Variants in PLXNC1 observed in about 807,000 individuals in gnomAD.
PLXNC1 encodes plexin C1.
A neutral mutation model predicts 178.2 loss-of-function variants in PLXNC1; 75 were observed. The ratio of observed to expected loss-of-function variants is 0.42; its 90% confidence interval spans 0.35 to 0.51. The LOEUF is 0.51. Ranked by LOEUF, PLXNC1 falls within the 20% of genes least tolerant of loss-of-function variation. The pLI is 0.02. For synonymous variants in PLXNC1, 790 were observed against 779.9 expected, an observed-to-expected ratio of 1.01 and a Z score of -0.22; for missense variants, 1,503 against 1,984.4, an observed-to-expected ratio of 0.76 and a Z score of 4.61.
intron 2 of PLXNC1, among the ~76,000 whole-genome samples, chr12:94,170,128 C>G (rs1961784977): frequency 6.6e-6 from 1 of 152,200 alleles, no homozygotes; most frequent in African/African-American, 2.4e-5. Context: ...TTACTCTCAG[C>G]TCAGATTTTT....
intron 2 of PLXNC1, among the ~76,000 whole-genome samples, chr12:94,177,101 A>ATGTGTGTGTGTATATATG (rs1565794008): frequency 7.2e-6 from 1 of 138,508 alleles, no homozygotes; most frequent in Non-Finnish European, 1.5e-5. Context: ...GTATATATAT[A>ATGTGTGTGTGTATATATG]TGTGTGTGTG....
intron 4 of PLXNC1, among the ~76,000 whole-genome samples, chr12:94,201,608 G>A (rs4761591): frequency 0.37 from 56,400 of 151,896 alleles, 11,742 homozygotes; most frequent in East Asian, 0.58. Flanking sequence ...CTTGCAAATG[G>A]CACAACCACT....
At chr12:94,293,029 A>G (rs568364895) in intron 23 of PLXNC1, among the ~76,000 whole-genome samples, 182 of 152,226 alleles carry the variant, frequency 1.2e-3, no homozygotes, top group Non-Finnish European at 2.2e-3. Flanking sequence ...AATATCTAAC[A>G]TGATAGTTTT....
At chr12:94,300,641 T>G (rs1250178135) in intron 27 of PLXNC1, among the ~76,000 whole-genome samples, 1 of 152,128 alleles carries the variant, frequency 6.6e-6, no homozygotes, top group Non-Finnish European at 1.5e-5. Context: ...GTGAGAGAGA[T>G]TATAATCAAG....
At chr12:94,203,485 G>T (rs1222196976) in intron 4 of PLXNC1, among the ~76,000 whole-genome samples, 1 of 152,164 alleles carries the variant, frequency 6.6e-6, no homozygotes, top group Non-Finnish European at 1.5e-5. Flanking sequence ...CTGAGAAATT[G>T]AGTAAAACTT....
intron 11 of PLXNC1, 62 bp downstream of exon 11, chr12:94,240,726 T>G (rs140344408): frequency 6.4e-6 from 8 of 1,252,748 alleles, no homozygotes; most frequent in Non-Finnish European, 9.0e-6. Flanking sequence ...CCAAAGATCA[T>G]TGATTTTATT....
chr12:94,171,672 C>A (rs1961850901), intron 2 of PLXNC1, among the ~76,000 whole-genome samples: 1 of 152,166 alleles, frequency 6.6e-6, no homozygotes, highest in African/African-American at 2.4e-5. Context: ...GGGAGACATG[C>A]AGATAGGGTT....
At chr12:94,202,079 C>T (rs1037693584) in intron 4 of PLXNC1, among the ~76,000 whole-genome samples, 1 of 151,996 alleles carries the variant, frequency 6.6e-6, no homozygotes, top group Non-Finnish European at 1.5e-5. Context: ...ACTCTTGACC[C>T]GACTACATGG....
At chr12:94,184,008 G>A (rs1054908700) in intron 3 of PLXNC1, among the ~76,000 whole-genome samples, 50 of 152,164 alleles carry the variant, frequency 3.3e-4, no homozygotes, top group Admixed American at 3.1e-3. Context: ...ATGATACGGG[G>A]CCGCTAAAAA....
At chr12:94,203,817 G>A (rs1035250049) in intron 4 of PLXNC1, among the ~76,000 whole-genome samples, 9 of 152,202 alleles carry the variant, frequency 5.9e-5, no homozygotes, top group Non-Finnish European at 1.2e-4. Context: ...CCTAAAAAGC[G>A]TGTGTTGGGA....
chr12:94,256,718 G>T (rs980004488), intron 17 of PLXNC1, among the ~76,000 whole-genome samples: 1 of 152,050 alleles, frequency 6.6e-6, no homozygotes, highest in African/African-American at 2.4e-5. Context: ...TACAGTTAAT[G>T]ATTGCCCTTG....
intron 21 of PLXNC1, among the ~76,000 whole-genome samples, chr12:94,267,570 T>C (rs998400042): frequency 6.6e-6 from 1 of 152,166 alleles, no homozygotes; most frequent in African/African-American, 2.4e-5. Flanking sequence ...TACATAAGAT[T>C]TGAGCCTTGA....
At position 94,305,883 on chromosome 12, in the gene PLXNC1, G is replaced by A. The variant is rs1406365490; in HGVS notation, c.*598G>A. 6.6e-6 allele frequency: 1 copy of A among 152,104 alleles called. No individual in the cohort carries two copies. Among genetic ancestry groups the A allele is most frequent in the Non-Finnish European group, 1.5e-5 (1 of 68,032 alleles). The allele number at this position is 152,104 out of a possible 1,614,324, so 9.4% of individuals were successfully genotyped here. A position where few individuals can be genotyped will look rare whatever the true frequency, so the allele number is the denominator to read the frequency against. On this transcript the variant is annotated 3_prime_UTR_variant, in exon 31 of 31. Transcript: ENST00000258526. ...TAACAGTGTTGCAACATTGTTGAAAGGGCTCGTGTTTTTCAGTGGTCATCA... is the reference window on the plus strand; with the variant it reads ...TAACAGTGTTGCAACATTGTTGAAAAGGCTCGTGTTTTTCAGTGGTCATCA...
intron 5 of PLXNC1, among the ~76,000 whole-genome samples, chr12:94,211,772 A>G (rs1484052255): frequency 6.6e-6 from 1 of 152,264 alleles, no homozygotes; most frequent in Non-Finnish European, 1.5e-5. Flanking sequence ...GGTTTTGTTG[A>G]GTAAAAACAG....
rs567944857 is a variant in PLXNC1, at chr12:94,297,346, G to A, written c.3997G>A (p.Val1333Met). 1.4e-5 allele frequency: 22 copies of A among 1,614,046 alleles called. 1 individual carries two copies. The South Asian group carries it at 2.1e-4, about 15-fold the overall frequency. Residue 1333 changes from valine to methionine, a missense_variant, in exon 26 of 31, where the codon GTG (valine) becomes ATG (methionine). Transcript: ENST00000258526. ...ILPDSEAFQD[V>M]QGKRHRGKHK... ...ACCAGATTCGGAAGCATTCCAAGAT[G>A]TGCAAGGAAAGAGACATCGAGGGAA...
In PLXNC1 at chr12:94,226,629, C is replaced by T. The variant is rs1963946408; in HGVS notation, c.1815C>T (p.Gly605=). ...GATGCCCAGCATGCGTAGAAACTGG[C>T]TGCGCGTGGTGTAAAAGTGCAAGAA... ...LKECPACVET[G]CAWCKSARRC... is the part of the protein sequence containing the mutation. Residue 605 remains glycine (G), a synonymous_variant, in exon 8 of 31, where the codon GGC becomes GGT. Coordinates refer to ENST00000258526, the MANE Select transcript of PLXNC1 (RefSeq NM_005761.3). 1.9e-6 allele frequency: 3 copies of T among 1,613,446 alleles called. No homozygotes were observed. Among genetic ancestry groups the T allele is most frequent in the Admixed American group, 3.3e-5 (2 of 59,994 alleles).
chr12:94,273,406 C>T (rs1965706199), intron 21 of PLXNC1, among the ~76,000 whole-genome samples: 1 of 152,058 alleles, frequency 6.6e-6, no homozygotes, highest in Non-Finnish European at 1.5e-5. Context: ...AAGCTTCCTG[C>T]TCACCAGTCT....
intron 1 of PLXNC1, among the ~76,000 whole-genome samples, chr12:94,157,804 C>T (rs943492534): frequency 1.3e-5 from 2 of 152,226 alleles, no homozygotes; most frequent in Admixed American, 1.3e-4. Flanking sequence ...CATACAGTCT[C>T]TATCACAACT....
chr12:94,181,649 G>A, intron 3 of PLXNC1, 69 bp downstream of exon 3: 2 of 1,329,074 alleles, frequency 1.5e-6, no homozygotes, highest in Non-Finnish European at 2.1e-6. Context: ...TCATTATCTA[G>A]TAGCAAAGCT....
Sources: allele counts gnomAD v4.1 joint callset (sites outside exome capture counted in the v4.1 genomes callset), GRCh38; gene constraint gnomAD v4.1.1; transcripts MANE v1.5; gene names NCBI Gene and HGNC (gene_info 2026-07-23, HGNC 2026-07-21).